The following NDST3 variants were observed in gnomAD, a reference collection of about 807,000 sequenced individuals.
The protein encoded by NDST3 is bifunctional heparan sulfate N-deacetylase/N-sulfotransferase 3.
NDST3 carries 58 observed loss-of-function variants against 96.1 expected under a neutral mutation model. The ratio of observed to expected loss-of-function variants is 0.60; its 90% CI spans 0.49 to 0.75. The LOEUF (loss-of-function observed/expected upper bound fraction) is 0.75. Ranked by LOEUF, NDST3 falls within the 30% of genes least tolerant of loss-of-function variation. The pLI, the probability that NDST3 is intolerant of heterozygous loss-of-function variation, is 0.00. For synonymous variants in NDST3, 333 were observed against 359.7 expected, an observed-to-expected ratio of 0.93 and a Z score of 0.84; for missense variants, 788 against 1,034.2, an observed-to-expected ratio of 0.76 and a Z score of 3.27.
Position 118,129,013 on chromosome 4 carries a change from C to T in NDST3, c.1225-9041C>T, listed in dbSNP as rs191334338. Among the ~76,000 whole-genome samples, 522 of 152,020 alleles carry T rather than the reference C, an allele frequency of 3.4e-3. 2 individuals are homozygous for T. The highest frequency in any genetic ancestry group is 0.012 in the African/African-American group (493 of 41,528). Reference sequence around the variant, plus strand: ...TAGCCACTACTGATCCTTTGAATTTCGGCAGTATCAGTTGTAGTGTTTCCT... The same window carrying T: ...TAGCCACTACTGATCCTTTGAATTTTGGCAGTATCAGTTGTAGTGTTTCCT... On this transcript the variant is annotated intron_variant, in intron 4 of 13. Coordinates refer to ENST00000296499, the MANE Select transcript of NDST3 (RefSeq NM_004784.3).
At chr4:118,145,532 C>T (rs1172748382) in intron 6 of NDST3, among the ~76,000 whole-genome samples, 3 of 152,158 alleles carry the variant, frequency 2.0e-5, no homozygotes, top group Non-Finnish European at 4.4e-5. Flanking sequence ...AGAAATATTA[C>T]ATTTTTTATT....
At chr4:118,132,574 G>C (rs1377474488) in intron 4 of NDST3, among the ~76,000 whole-genome samples, 1 of 152,096 alleles carries the variant, frequency 6.6e-6, no homozygotes, top group African/African-American at 2.4e-5. Context: ...GGCCAAGCTG[G>C]TACATAAGGT....
chr4:118,193,479 G>T, intron 6 of NDST3: 2 of 788,776 alleles, frequency 2.5e-6, no homozygotes, highest in Non-Finnish European at 4.2e-6. Context: ...GTGTCAGTGA[G>T]ATTGTCTCCT....
chr4:118,086,278 T>A (rs1728411570), intron 2 of NDST3, among the ~76,000 whole-genome samples: 1 of 152,202 alleles, frequency 6.6e-6, no homozygotes, highest in Admixed American at 6.6e-5. Context: ...TTTGGAAATT[T>A]TTCTTTGCAT....
intron 6 of NDST3, among the ~76,000 whole-genome samples, chr4:118,176,644 A>G (rs536803954): frequency 2.6e-5 from 4 of 152,246 alleles, no homozygotes; most frequent in Admixed American, 2.6e-4. Context: ...AGAATGTGGA[A>G]TGTTCTCAAA....
chr4:118,058,265 T>G (rs1418766161), intron 2 of NDST3, among the ~76,000 whole-genome samples: 1 of 151,954 alleles, frequency 6.6e-6, no homozygotes, highest in Non-Finnish European at 1.5e-5. Context: ...TTATGTGGAA[T>G]AGAAAATGTG....
At chr4:118,181,482 C>G (rs535522033) in intron 6 of NDST3, among the ~76,000 whole-genome samples, 2 of 152,196 alleles carry the variant, frequency 1.3e-5, no homozygotes, top group South Asian at 4.2e-4. Flanking sequence ...AACAGAAGGG[C>G]TGAGCATTTA....
At chr4:118,087,660 G>A (rs1381932269) in intron 2 of NDST3, among the ~76,000 whole-genome samples, 2 of 152,108 alleles carry the variant, frequency 1.3e-5, no homozygotes, top group African/African-American at 2.4e-5. Context: ...TGATTGGGCA[G>A]GGGGAGAGAG....
Position 118,224,436 on chromosome 4 carries a change from C to T in NDST3, c.1540-55C>T, listed in dbSNP as rs1578838509. ...AACTAGCATGGCTGTGATTATACTG[C>T]CCTCTAGTGTCAAAATAAATGTTAT... is the stretch of plus-strand genomic sequence containing the variant. On this transcript the variant is annotated intron_variant, in intron 6 of 13. Coordinates refer to ENST00000296499, the MANE Select transcript of NDST3 (RefSeq NM_004784.3). 4.1e-6 allele frequency: 6 copies of T among 1,477,686 alleles called. No homozygotes were observed. In the East Asian group the frequency reaches 6.9e-5, roughly 17 times the overall value. 91.5% of individuals were successfully genotyped at this position (1,477,686 alleles called of 1,614,324 possible).
intron 11 of NDST3, 72 bp from the exon 12 acceptor site, chr4:118,241,968 G>C (rs746781786): frequency 9.3e-7 from 1 of 1,077,442 alleles, no homozygotes; most frequent in Non-Finnish European, 1.4e-6. Context: ...AATGAGTTTA[G>C]AATGCAGAAA....
At chr4:118,066,520 T>TATATA (rs1553927079) in intron 2 of NDST3, among the ~76,000 whole-genome samples, 2 of 75,272 alleles carry the variant, frequency 2.7e-5, no homozygotes, top group African/African-American at 1.4e-4. Flanking sequence ...ATATACATTA[T>TATATA]ATATGTTATA....
At chr4:118,149,434 G>A (rs1427588639) in intron 6 of NDST3, among the ~76,000 whole-genome samples, 1 of 148,598 alleles carries the variant, frequency 6.7e-6, no homozygotes, top group African/African-American at 2.4e-5. Flanking sequence ...ATTTCCTTGA[G>A]CAGTGGTTTG....
intron 6 of NDST3, among the ~76,000 whole-genome samples, chr4:118,163,108 C>A (rs376848213): frequency 6.6e-6 from 1 of 152,164 alleles, no homozygotes; most frequent in African/African-American, 2.4e-5. Context: ...ACAACAGGTG[C>A]TGGAGAGGAT....
chr4:118,221,333 TAGC>T (rs1487071480), intron 6 of NDST3, among the ~76,000 whole-genome samples: 3 of 152,056 alleles, frequency 2.0e-5, no homozygotes, highest in Admixed American at 1.3e-4. Context: ...ATCTGGCAAA[TAGC>T]AGAATAATCA....
chr4:118,211,956 C>CTTCAGAAGAGG (rs1560720642), intron 6 of NDST3, among the ~76,000 whole-genome samples: 1 of 151,980 alleles, frequency 6.6e-6, no homozygotes, highest in East Asian at 1.9e-4. Flanking sequence ...CAGAAGGCAA[C>CTTCAGAAGAGG]GACTCAAAGC....
chr4:118,162,637 C>T (rs1170185911), intron 6 of NDST3, among the ~76,000 whole-genome samples: 3 of 149,444 alleles, frequency 2.0e-5, no homozygotes, highest in Non-Finnish European at 4.5e-5. Flanking sequence ...GACCTAAAAC[C>T]ATAAAAACCC....
intron 11 of NDST3, 49 bp from the exon 12 acceptor site, chr4:118,241,991 C>A (rs1244878614): frequency 2.3e-6 from 3 of 1,330,640 alleles, no homozygotes; most frequent in Non-Finnish European, 3.2e-6. Flanking sequence ...TTTCATTATA[C>A]AGTTTACATG....
At chr4:118,184,867 A>G (rs1053288344) in intron 6 of NDST3, among the ~76,000 whole-genome samples, 6 of 152,128 alleles carry the variant, frequency 3.9e-5, no homozygotes, top group Admixed American at 1.3e-4. Context: ...ATAATTACAA[A>G]CTATCTCCAG....
chr4:118,188,913 G>A (rs539494644), intron 6 of NDST3, among the ~76,000 whole-genome samples: 1 of 152,184 alleles, frequency 6.6e-6, no homozygotes, highest in South Asian at 2.1e-4. Flanking sequence ...AAAGACAATT[G>A]ACAAGGAAAT....
Sources: gnomAD v4.1 joint callset for allele counts (sites outside exome capture counted in the v4.1 genomes callset) on GRCh38, gnomAD v4.1.1 for gene constraint, MANE v1.5 for transcripts, NCBI Gene and HGNC (gene_info 2026-07-23, HGNC 2026-07-21) for gene names.